Variants in IRF6 observed in about 807,000 individuals in gnomAD.
The protein encoded by IRF6 is interferon regulatory factor 6.
A neutral mutation model predicts 51.4 loss-of-function variants in IRF6; 6 were observed. The ratio of observed to expected loss-of-function variants is 0.12; its 90% CI spans 0.06 to 0.23. IRF6 has a LOEUF of 0.23. Ranked by LOEUF, IRF6 falls within the 10% of genes least tolerant of loss-of-function variation. The probability of loss-of-function intolerance (pLI) is 1.00; values close to 1 mark genes in which losing one functional copy is unlikely to be tolerated. For missense variants in IRF6, 348 were observed against 585.2 expected (o/e 0.59, Z 4.18); for synonymous variants, 178 against 215.7 (o/e 0.83, Z 1.53).
chr1:209,795,666 T>A (rs1455385959), intron 4 of IRF6, among the ~76,000 whole-genome samples: 2 of 152,248 alleles, frequency 1.3e-5, no homozygotes, highest in African/African-American at 4.8e-5. Context: ...AGTATGCAGT[T>A]AATTGGAGGG....
In IRF6 at chr1:209,786,217, C is replaced by T. The variant is rs1391124361; in HGVS notation, c.*2203G>A. 1 of 152,176 alleles carries T rather than the reference C, an allele frequency of 6.6e-6. No individual in the cohort carries two copies. The highest frequency in any genetic ancestry group is 1.5e-5 in the Non-Finnish European group (1 of 68,024). 9.4% of individuals were successfully genotyped at this position (152,176 alleles called of 1,614,324 possible). On this transcript the variant is annotated 3_prime_UTR_variant, in exon 9 of 9. Transcript: ENST00000367021. ...TGAGGGTGATTAGATGGAATCCCTG[C>T]ATGTACTCTCCCGGCATTCTGAAAA...
Position 209,795,313 on chromosome 1 carries a change from G to A in IRF6, c.485C>T (p.Thr162Ile). 1 of 1,614,214 alleles carries A rather than the reference G, an allele frequency of 6.2e-7. No homozygotes were observed. The highest frequency in any genetic ancestry group is 8.5e-7 in the Non-Finnish European group (1 of 1,180,028). Residue 162 changes from threonine to isoleucine, a missense_variant, in exon 5 of 9, where the codon ACC becomes ATC. By Grantham distance (89) the Thr-to-Ile change is moderately conservative. Around this residue, in one of 5 missense-constraint regions of IRF6, gnomAD observed 124 missense variants for 141.6 expected, o/e 0.88. Coordinates refer to ENST00000367021, the MANE Select transcript of IRF6 (RefSeq NM_006147.4). The part of the protein sequence containing the change: ...QSQHHVPIQD[T>I]FPFLNINGSP... Reference sequence around the variant, plus strand: ...ACCATTGATGTTCAGGAAGGGGAAGGTGTCCTGGATGGGAACATGGTGCTG... The same window carrying A: ...ACCATTGATGTTCAGGAAGGGGAAGATGTCCTGGATGGGAACATGGTGCTG...
At chr1:209,802,680 GAGA>G (rs2077951001) in intron 1 of IRF6, among the ~76,000 whole-genome samples, 1 of 152,202 alleles carries the variant, frequency 6.6e-6, no homozygotes, top group South Asian at 2.1e-4. Context: ...ACAATGGCCT[GAGA>G]AGGAGGGGAA....
intron 1 of IRF6, among the ~76,000 whole-genome samples, chr1:209,804,567 T>C (rs1213557117): frequency 6.6e-6 from 1 of 152,216 alleles, no homozygotes; most frequent in Non-Finnish European, 1.5e-5. Flanking sequence ...TGAACTCATC[T>C]TGGTATCTCT....
chr1:209,786,466 C>T lies in IRF6; in HGVS notation c.*1954G>A, dbSNP rs1038470806. On this transcript the variant is annotated 3_prime_UTR_variant, in exon 9 of 9. Coordinates refer to ENST00000367021, the MANE Select transcript of IRF6 (RefSeq NM_006147.4). ...CTTCACAGAAGGGATATAGACTGGC[C>T]CAGATTCAAGAGCTGCCCTTCTAAT... 5 of 152,082 alleles carry T rather than the reference C, an allele frequency of 3.3e-5. No individual in the cohort carries two copies. The highest frequency in any genetic ancestry group is 1.2e-4 in the African/African-American group (5 of 41,402). 9.4% of individuals were successfully genotyped at this position (152,082 alleles called of 1,614,324 possible). A position where few individuals can be genotyped will look rare whatever the true frequency, so the allele number is the denominator to read the frequency against.
intron 1 of IRF6, among the ~76,000 whole-genome samples, chr1:209,804,603 G>A (rs759519352): frequency 3.9e-5 from 6 of 152,146 alleles, no homozygotes; most frequent in Non-Finnish European, 7.3e-5. Context: ...AAAATGTAAG[G>A]CCTGTGTCTC....
At chr1:209,794,266 G>C (rs2077887459) in intron 5 of IRF6, among the ~76,000 whole-genome samples, 1 of 152,132 alleles carries the variant, frequency 6.6e-6, no homozygotes, top group Non-Finnish European at 1.5e-5. Context: ...CAGCCATTCT[G>C]ACTGGTGTGA....
intron 3 of IRF6, among the ~76,000 whole-genome samples, chr1:209,799,625 C>T (rs1268249250): frequency 6.6e-6 from 1 of 152,212 alleles, no homozygotes; most frequent in Non-Finnish European, 1.5e-5. Context: ...CCCAAGCATG[C>T]AAGCCCAAAG....
chr1:209,794,914 A>G (rs1269822433), intron 5 of IRF6, among the ~76,000 whole-genome samples: 1 of 152,254 alleles, frequency 6.6e-6, no homozygotes, highest in Non-Finnish European at 1.5e-5. Flanking sequence ...AATTTATACC[A>G]AGGGAAATAT....
At chr1:209,801,490 T>G (rs987892466) in intron 2 of IRF6, 74 bp from the exon 3 acceptor site, 10 of 1,193,852 alleles carry the variant, frequency 8.4e-6, no homozygotes, top group Non-Finnish European at 1.1e-5. Flanking sequence ...CCCAGCCACC[T>G]TTCCCATCTA....
In IRF6 at chr1:209,788,216, G is replaced by A. The variant is rs77906982; in HGVS notation, c.*204C>T. ...ACTATGCTATATCATACTACCATTA[G>A]GAGATTTGAAAAAGAAAAGCAAAGT... On this transcript the variant is annotated 3_prime_UTR_variant, in exon 9 of 9. Coordinates refer to ENST00000367021, the MANE Select transcript of IRF6 (RefSeq NM_006147.4). 4.3e-3 allele frequency: 2,535 copies of A among 592,542 alleles called. 46 individuals are homozygous for A. Among genetic ancestry groups the A allele is most frequent in the African/African-American group, 0.038 (2,062 of 53,720 alleles). 36.7% of individuals were successfully genotyped at this position (592,542 alleles called of 1,614,324 possible).
At chr1:209,798,260 C>T (rs541435338) in intron 3 of IRF6, among the ~76,000 whole-genome samples, 7 of 152,324 alleles carry the variant, frequency 4.6e-5, no homozygotes, top group Admixed American at 2.6e-4. Flanking sequence ...CAACCCCCTA[C>T]GGGAGATTTC....
intron 3 of IRF6, among the ~76,000 whole-genome samples, chr1:209,797,370 CAAAAAAAAAAAAAAA>C (rs11418099): frequency 1.4e-4 from 7 of 48,590 alleles, no homozygotes; most frequent in Non-Finnish European, 2.0e-4. Context: ...AACTTCATCT[CAAAAAAAAAAAAAAA>C]AAAAAAAAAA....
rs7552506 is a variant in IRF6, at chr1:209,796,557, G to A, written c.175-5C>T. On this transcript the variant is annotated splice_polypyrimidine_tract_variant and splice_region_variant and intron_variant, in intron 3 of 8. Coordinates refer to ENST00000367021, the MANE Select transcript of IRF6 (RefSeq NM_006147.4). The surrounding 1 kb of genome is among the most constrained non-coding windows in gnomAD (Gnocchi z 4.5). ...CCCTGTCTCTACAGCCCAGGCCTGA[G>A]AACAAGAAACCACAGTGAGTCCTAT... is the stretch of plus-strand genomic sequence containing the variant. 1 of 1,610,880 alleles carries A rather than the reference G, an allele frequency of 6.2e-7. No homozygotes were observed. The highest frequency in any genetic ancestry group is 8.5e-7 in the Non-Finnish European group (1 of 1,179,230).
At chr1:209,802,325 A>C (rs1378511038) in intron 1 of IRF6, among the ~76,000 whole-genome samples, 2 of 152,252 alleles carry the variant, frequency 1.3e-5, no homozygotes, top group Non-Finnish European at 2.9e-5. Flanking sequence ...TGCAGGAGCC[A>C]GCATGGGTAA....
rs1173894572 is a variant in IRF6 at position 209,790,131 on chromosome 1, T to C, written c.1061-346A>G. ...CTGCTTGAATTCACCACTCAGATAATTCCCAAAAGAATATGTGCTATTCTG... is the reference window on the plus strand; with the variant it reads ...CTGCTTGAATTCACCACTCAGATAACTCCCAAAAGAATATGTGCTATTCTG... On this transcript the variant is annotated intron_variant, in intron 7 of 8. Coordinates refer to ENST00000367021, the MANE Select transcript of IRF6 (RefSeq NM_006147.4). The surrounding 1 kb of genome is among the most constrained non-coding windows in gnomAD (Gnocchi z 4.8). Among the ~76,000 whole-genome samples the C allele has an allele frequency of 6.6e-6, 1 of 152,230 alleles. No homozygotes were observed. The highest frequency in any genetic ancestry group is 1.5e-5 in the Non-Finnish European group (1 of 68,036).
At chr1:209,795,711 G>A (rs2077897002) in intron 4 of IRF6, among the ~76,000 whole-genome samples, 1 of 152,172 alleles carries the variant, frequency 6.6e-6, no homozygotes. Flanking sequence ...AGTATCCTAT[G>A]AATTAAACGA....
chr1:209,806,104 C>T lies in IRF6; in HGVS notation c.-233G>A, dbSNP rs2077972650. 6.6e-6 allele frequency: 1 copy of T among 152,666 alleles called. No homozygotes were observed. Among genetic ancestry groups the T allele is most frequent in the African/African-American group, 2.4e-5 (1 of 41,484 alleles). The allele number at this position is 152,666 out of a possible 1,614,324, so 9.5% of individuals were successfully genotyped here. A position where few individuals can be genotyped will look rare whatever the true frequency, so the allele number is the denominator to read the frequency against. ...TTCCTCTCCCCGTCCCGCACCAGCC[C>T]TTACCTGCCCAGCCCAGGTGCGCCG... On this transcript the variant is annotated 5_prime_UTR_variant, in exon 1 of 9. Transcript: ENST00000367021.
rs991980783 is a variant in IRF6, at chr1:209,804,012, G to A, written c.-76+1935C>T. Among the ~76,000 whole-genome samples the A allele has an allele frequency of 7.9e-5, 12 of 152,156 alleles. No homozygotes were observed. In the South Asian group the frequency reaches 1.9e-3, roughly 24 times the overall value. On this transcript the variant is annotated intron_variant, in intron 1 of 8. Coordinates refer to ENST00000367021, the MANE Select transcript of IRF6 (RefSeq NM_006147.4). ...ACAATGCAACAAAATATTTGTAATG[G>A]TTATCTAGTGATGCAACTATGGGTG... is the stretch of plus-strand genomic sequence containing the variant.
Sources: allele counts gnomAD v4.1 joint callset (sites outside exome capture counted in the v4.1 genomes callset), GRCh38; gene constraint gnomAD v4.1.1; regional missense constraint gnomAD v4.1.1; non-coding constraint Gnocchi (gnomAD v3.1); transcripts MANE v1.5; gene names NCBI Gene and HGNC (gene_info 2026-07-23, HGNC 2026-07-21).